Variants in CCDC125 observed in about 807,000 individuals in gnomAD.
CCDC125 encodes the protein coiled-coil domain containing 125.
In CCDC125, 43 loss-of-function variants were observed where a neutral mutation model predicts 57.4. That is an observed-to-expected ratio of 0.75 (90% CI 0.59 to 0.97). CCDC125 has a LOEUF of 0.97. Ranked by LOEUF, CCDC125 falls within the 50% of genes least tolerant of loss-of-function variation. CCDC125 has a pLI of 0.00. For synonymous variants in CCDC125, 187 were observed against 195.2 expected, an observed-to-expected ratio of 0.96 and a Z score of 0.35; for missense variants, 563 against 595.7, an observed-to-expected ratio of 0.95 and a Z score of 0.57.
chr5:69,318,731 C>T (rs1002586030), intron 2 of CCDC125, among the ~76,000 whole-genome samples: 59 of 151,040 alleles, frequency 3.9e-4, no homozygotes, highest in Non-Finnish European at 8.8e-5. Context: ...CTAGCCTGGG[C>T]GACAAGAGTG....
At chr5:69,313,944 C>A in intron 3 of CCDC125, 41 bp downstream of exon 3, 1 of 1,433,134 alleles carries the variant, frequency 7.0e-7, no homozygotes, top group Non-Finnish European at 9.9e-7. Flanking sequence ...CTGCTGGGAC[C>A]CAGCTAAACT....
chr5:69,298,260 C>T (rs529301925), intron 8 of CCDC125, among the ~76,000 whole-genome samples: 54 of 152,104 alleles, frequency 3.6e-4, no homozygotes, highest in African/African-American at 1.2e-3. Context: ...GTGATCCGCC[C>T]GCCTCGGCCT....
intron 10 of CCDC125, among the ~76,000 whole-genome samples, chr5:69,287,896 C>T (rs759277098): frequency 6.6e-6 from 1 of 151,916 alleles, no homozygotes; most frequent in Non-Finnish European, 1.5e-5. Flanking sequence ...ATTCTGCCTT[C>T]AGTCTCTCTC....
intron 1 of CCDC125, among the ~76,000 whole-genome samples, chr5:69,324,209 C>T (rs991289091): frequency 6.6e-6 from 1 of 152,082 alleles, no homozygotes; most frequent in Non-Finnish European, 1.5e-5. Flanking sequence ...AACAAATACC[C>T]TTAAAAGATT....
rs182230564 is a variant in CCDC125, at chr5:69,303,313, G to T, written c.700+534C>A. On this transcript the variant is annotated intron_variant, in intron 7 of 11. Coordinates refer to ENST00000396496, the MANE Select transcript of CCDC125 (RefSeq NM_176816.5). ...GATCCTCCTGCCTTGGCCTCCCAAA[G>T]TTCTGGGATTACAGGCATGAGTCAC... Among the ~76,000 whole-genome samples the T allele has an allele frequency of 1.4e-3, 216 of 149,552 alleles. 1 individual carries two copies. The highest frequency in any genetic ancestry group is 5.2e-3 in the African/African-American group (211 of 40,492).
At chr5:69,289,034 T>G (rs1043553705) in intron 10 of CCDC125, among the ~76,000 whole-genome samples, 3 of 152,202 alleles carry the variant, frequency 2.0e-5, no homozygotes, top group African/African-American at 7.2e-5. Context: ...ATCTAGCTCT[T>G]GAGAAAAATG....
chr5:69,316,044 C>T (rs1349704371), intron 2 of CCDC125, among the ~76,000 whole-genome samples: 1 of 149,782 alleles, frequency 6.7e-6, no homozygotes, highest in African/African-American at 2.5e-5. Flanking sequence ...TTTCTCAAAA[C>T]AACTTTCTTT....
intron 10 of CCDC125, among the ~76,000 whole-genome samples, chr5:69,289,422 A>G (rs1579979000): frequency 6.6e-6 from 1 of 152,346 alleles, no homozygotes; most frequent in Admixed American, 6.5e-5. Context: ...GGTTCCTAAA[A>G]GGCTAAATAC....
Position 69,300,123 on chromosome 5 carries a change from C to CA in CCDC125, c.704dup (p.Leu235PhefsTer13). The CA allele has an allele frequency of 1.2e-6, 2 of 1,611,680 alleles. No individual in the cohort carries two copies. Among genetic ancestry groups the CA allele is most frequent in the East Asian group, 2.2e-5 (1 of 44,876 alleles). ...CGAGGGCCTCCAAATACCGTTGATT[C>CA]AAAACTAGGAAGGGCCATATGAGAA... On this transcript the variant is annotated frameshift_variant, in exon 8 of 12. Coordinates refer to ENST00000396496, the MANE Select transcript of CCDC125 (RefSeq NM_176816.5). LOFTEE classifies it high-confidence loss of function.
downstream of CCDC125, among the ~76,000 whole-genome samples, chr5:69,279,198 G>GTT (rs59136402): frequency 1.9e-3 from 229 of 119,204 alleles, no homozygotes; most frequent in African/African-American, 7.0e-3. Flanking sequence ...ATGCAGGTTT[G>GTT]TTTTTTTTTT....
chr5:69,284,303 G>T (rs1752963594), intron 11 of CCDC125, among the ~76,000 whole-genome samples: 1 of 152,012 alleles, frequency 6.6e-6, no homozygotes, highest in Admixed American at 6.6e-5. Flanking sequence ...TCATATATTT[G>T]TATGCAAATA....
At chr5:69,274,018 G>A in the CCDC125 span, among the ~76,000 whole-genome samples, 50 of 152,130 alleles carry the variant, frequency 3.3e-4, no homozygotes, top group African/African-American at 1.2e-3. Context: ...ATGTCCATGT[G>A]TACACATACT....
chr5:69,290,446 G>GCA (rs1401300598), intron 10 of CCDC125, among the ~76,000 whole-genome samples: 2 of 150,778 alleles, frequency 1.3e-5, no homozygotes, highest in Non-Finnish European at 3.0e-5. Flanking sequence ...GGGATTACAG[G>GCA]TGAGTGCCAT....
At chr5:69,291,153 A>G (rs1039931006) in intron 10 of CCDC125, among the ~76,000 whole-genome samples, 10 of 152,200 alleles carry the variant, frequency 6.6e-5, no homozygotes, top group Non-Finnish European at 1.3e-4. Flanking sequence ...CAACTGATAA[A>G]TGGTTTCAAA....
At position 69,283,015 on chromosome 5, in the gene CCDC125, GCTT is replaced by G. The variant is rs746044429; in HGVS notation, c.1247_1249del (p.Glu416del). The G allele has an allele frequency of 2.3e-5, 37 of 1,593,460 alleles. No homozygotes were observed. The highest frequency in any genetic ancestry group is 5.4e-5 in the Admixed American group (3 of 55,064). ...GCTAACTTTTCTTTGATGAGCCAAA[GCTT>G]CTTCTTTATCATTAAGCTGCATGCA... On this transcript the variant is annotated inframe_deletion, in exon 12 of 12. Transcript: ENST00000396496.
At chr5:69,273,856 C>T in the CCDC125 span, among the ~76,000 whole-genome samples, 413 of 152,142 alleles carry the variant, frequency 2.7e-3, 1 homozygote, top group African/African-American at 9.6e-3. Context: ...CTCTTTTTAG[C>T]AATGTGTGCT....
intron 9 of CCDC125, among the ~76,000 whole-genome samples, chr5:69,293,093 G>A (rs1161284623): frequency 3.3e-5 from 5 of 150,796 alleles, no homozygotes; most frequent in South Asian, 2.1e-4. Flanking sequence ...CACCCGCCTC[G>A]GCCTCCCAAA....
intron 7 of CCDC125, among the ~76,000 whole-genome samples, chr5:69,302,601 T>C (rs1213064626): frequency 1.3e-5 from 2 of 151,668 alleles, no homozygotes; most frequent in Admixed American, 1.3e-4. Context: ...GGCATGCACC[T>C]GTAGTCCCAG....
In CCDC125 at chr5:69,282,735, TATG is replaced by T. The variant is rs757031007; in HGVS notation, c.1527_1529del (p.Ile510del). ...AATTTCAACTGGCTTGTCTTTAAAA[TATG>T]ATACTTGATGGCAAAGAATGGGATC... On this transcript the variant is annotated inframe_deletion, in exon 12 of 12. Coordinates refer to ENST00000396496, the MANE Select transcript of CCDC125 (RefSeq NM_176816.5). The T allele has an allele frequency of 2.8e-5, 45 of 1,583,052 alleles. No individual in the cohort carries two copies. The African/African-American group carries it at 5.7e-4, about 20-fold the overall frequency.
Sources: gnomAD v4.1 joint callset for allele counts (sites outside exome capture counted in the v4.1 genomes callset) on GRCh38, gnomAD v4.1.1 for gene constraint, MANE v1.5 for transcripts, NCBI Gene and HGNC (gene_info 2026-07-23, HGNC 2026-07-21) for gene names.